Variants in CELF4 observed in about 807,000 individuals in gnomAD.
CELF4 encodes CUGBP Elav-like family member 4, also known as CUG-BP- and ETR-3-like factor 4.
Under a neutral mutation model 59.9 loss-of-function variants are expected in CELF4, and 18 were observed. That is an observed-to-expected ratio of 0.30 (90% CI 0.21 to 0.45). The LOEUF (loss-of-function observed/expected upper bound fraction) is 0.45. Among genes scored for constraint, CELF4 ranks in the 20% least tolerant of loss-of-function variants. The probability of loss-of-function intolerance (pLI) is 1.00; values close to 1 mark genes in which losing one functional copy is unlikely to be tolerated. For missense variants in CELF4, 456 were observed against 689.0 expected (o/e 0.66, Z 3.79); for synonymous variants, 261 against 267.1 (o/e 0.98, Z 0.22).
chr18:37,423,055 C>T (rs1401692979), intron 2 of CELF4, among the ~76,000 whole-genome samples: 2 of 82,392 alleles, frequency 2.4e-5, no homozygotes, highest in South Asian at 1.1e-3. Flanking sequence ...TAGACACATG[C>T]GCGCGCGCGC....
chr18:37,437,842 C>T (rs138530182), intron 2 of CELF4, among the ~76,000 whole-genome samples: 6 of 152,264 alleles, frequency 3.9e-5, no homozygotes, highest in African/African-American at 9.6e-5. Context: ...AAGGACTTGA[C>T]GTTTGTGTCC....
At chr18:37,561,468 G>A (rs2099986511) in intron 1 of CELF4, among the ~76,000 whole-genome samples, 3 of 152,134 alleles carry the variant, frequency 2.0e-5, no homozygotes, top group African/African-American at 7.2e-5. Flanking sequence ...CAAAGATAAT[G>A]CATTATAATA....
At chr18:37,327,938 ACCT>A (rs2097379535) in intron 2 of CELF4, among the ~76,000 whole-genome samples, 1 of 152,030 alleles carries the variant, frequency 6.6e-6, no homozygotes, top group South Asian at 2.1e-4. Flanking sequence ...TTTGAAGCTC[ACCT>A]CCTACAGGGA....
chr18:37,354,200 C>T (rs867640490), intron 2 of CELF4, among the ~76,000 whole-genome samples: 2 of 152,150 alleles, frequency 1.3e-5, no homozygotes, highest in Admixed American at 6.5e-5. Flanking sequence ...GAGCTCACTT[C>T]CCTTCCCAAC....
chr18:37,243,816 C>G lies in CELF4; in HGVS notation c.*1426G>C, dbSNP rs892846966. ...TGAAAGTTCCCAGTTCTCCCTTGCC[C>G]GGAAAGTCTCTGGAGCAAGCGTGGA... On this transcript the variant is annotated 3_prime_UTR_variant, in exon 13 of 13. Transcript: ENST00000420428. The G allele has an allele frequency of 2.4e-5, 4 of 164,590 alleles. No homozygotes were observed. The highest frequency in any genetic ancestry group is 4.8e-5 in the African/African-American group (2 of 41,654). 10.2% of individuals were successfully genotyped at this position (164,590 alleles called of 1,614,324 possible).
intron 6 of CELF4, chr18:37,274,021 A>C: frequency 8.0e-7 from 1 of 1,251,160 alleles, no homozygotes; most frequent in Non-Finnish European, 1.0e-6. Context: ...GATCTGGCTG[A>C]GAGGAAAAGG....
intron 6 of CELF4, 161 bp from the exon 7 acceptor site, chr18:37,273,324 A>C (rs573477540): frequency 4.2e-6 from 6 of 1,424,972 alleles, no homozygotes; most frequent in Admixed American, 5.9e-5. Context: ...CTTGCCCTGT[A>C]CCTCAACAGC....
intron 1 of CELF4, among the ~76,000 whole-genome samples, chr18:37,555,638 A>G (rs1450410250): frequency 6.6e-6 from 1 of 152,230 alleles, no homozygotes; most frequent in African/African-American, 2.4e-5. Context: ...ATATTGGTCA[A>G]CCAAGATATT....
chr18:37,442,451 T>A (rs2099734877), intron 2 of CELF4, among the ~76,000 whole-genome samples: 1 of 152,122 alleles, frequency 6.6e-6, no homozygotes, highest in Non-Finnish European at 1.5e-5. Context: ...CATTTGCAAA[T>A]TAATGGCTGG....
At chr18:37,248,017 C>A (rs2063152543) in intron 12 of CELF4, among the ~76,000 whole-genome samples, 1 of 152,136 alleles carries the variant, frequency 6.6e-6, no homozygotes, top group South Asian at 2.1e-4. Flanking sequence ...ACTGCTGTGT[C>A]CACGGGGTCC....
intron 1 of CELF4, among the ~76,000 whole-genome samples, chr18:37,497,133 G>A (rs945779328): frequency 6.6e-5 from 10 of 152,088 alleles, no homozygotes; most frequent in African/African-American, 2.4e-4. Flanking sequence ...TGGCTCTAAA[G>A]TTTCTTTTCC....
intron 2 of CELF4, among the ~76,000 whole-genome samples, chr18:37,379,936 G>A (rs996487639): frequency 6.6e-5 from 10 of 152,120 alleles, no homozygotes; most frequent in African/African-American, 1.9e-4. Flanking sequence ...CTGCTCCGGG[G>A]TTCCTCACCC....
At chr18:37,331,836 G>A (rs1036731580) in intron 2 of CELF4, among the ~76,000 whole-genome samples, 10 of 152,064 alleles carry the variant, frequency 6.6e-5, no homozygotes, top group Admixed American at 1.3e-4. Flanking sequence ...GCGGCAAGTC[G>A]CCGAGGGTGG....
intron 3 of CELF4, among the ~76,000 whole-genome samples, chr18:37,290,595 C>T (rs1355416542): frequency 6.6e-6 from 1 of 152,154 alleles, no homozygotes; most frequent in East Asian, 1.9e-4. Flanking sequence ...GCATCTCACC[C>T]ACAAGAGCGC....
chr18:37,274,967 C>A, intron 4 of CELF4, 83 bp from the exon 5 acceptor site: 1 of 1,550,346 alleles, frequency 6.5e-7, no homozygotes, highest in Non-Finnish European at 8.8e-7. Flanking sequence ...CCCAGGTGAA[C>A]GCAGACGGGT....
intron 1 of CELF4, among the ~76,000 whole-genome samples, chr18:37,494,385 A>G (rs1420687368): frequency 6.6e-6 from 1 of 152,204 alleles, no homozygotes; most frequent in Non-Finnish European, 1.5e-5. Flanking sequence ...GGTGGGTGTC[A>G]GCCTTTCCAA....
chr18:37,292,743 C>T (rs1489172951), intron 3 of CELF4, among the ~76,000 whole-genome samples: 2 of 152,138 alleles, frequency 1.3e-5, no homozygotes, highest in Admixed American at 6.5e-5. Flanking sequence ...TAACTTGATC[C>T]TGTGTTAGTA....
At chr18:37,485,431 C>T (rs2099879049) in intron 2 of CELF4, 94 bp downstream of exon 2, 1 of 620,176 alleles carries the variant, frequency 1.6e-6, no homozygotes, top group Non-Finnish European at 2.1e-6. Flanking sequence ...GGCGCCCTGC[C>T]GTCCTCTCCC....
At chr18:37,430,351 G>A (rs1242896740) in intron 2 of CELF4, among the ~76,000 whole-genome samples, 1 of 152,206 alleles carries the variant, frequency 6.6e-6, no homozygotes, top group African/African-American at 2.4e-5. Context: ...AATAAATTAT[G>A]TATACACAGA....
Sources: gnomAD v4.1 joint callset for allele counts (sites outside exome capture counted in the v4.1 genomes callset) on GRCh38, gnomAD v4.1.1 for gene constraint, MANE v1.5 for transcripts, NCBI Gene and HGNC (gene_info 2026-07-23, HGNC 2026-07-21) for gene names.